The following CCDC27 variants were observed in gnomAD, a reference collection of about 807,000 sequenced individuals.
CCDC27 encodes the protein coiled-coil domain-containing protein 27.
CCDC27 carries 80 observed loss-of-function variants against 80.3 expected under a neutral mutation model. The ratio of observed to expected loss-of-function variants is 1.00; its 90% CI spans 0.83 to 1.20. The LOEUF (loss-of-function observed/expected upper bound fraction) is 1.20. Ranked by LOEUF, CCDC27 falls within the 50% of genes most tolerant of loss-of-function variation. The probability of loss-of-function intolerance (pLI) is 0.00; values close to 1 mark genes in which losing one functional copy is unlikely to be tolerated. For missense variants in CCDC27, 815 were observed against 809.4 expected (o/e 1.01, Z -0.08); for synonymous variants, 342 against 334.3 (o/e 1.02, Z -0.25).
In CCDC27 at chr1:3,763,492, G is replaced by A. The variant is rs56079032; in HGVS notation, c.1321+18G>A. ...TGCAACAGGTAGGGCCTCGGCGGGG[G>A]GCACTGGGCTTTGGCCACTCAGTGG... On this transcript the variant is annotated intron_variant, in intron 7 of 11. Transcript: ENST00000294600. This position sits in a 1 kb window ranked among gnomAD's most constrained non-coding sequence, Gnocchi z 7.5. 45,740 of 1,572,264 alleles carry A rather than the reference G, an allele frequency of 0.029. 808 individuals carry two copies. The highest frequency in any genetic ancestry group is 0.054 in the Middle Eastern group (232 of 4,330).
At position 3,766,384 on chromosome 1, in the gene CCDC27, C is replaced by T. The variant is rs1160451346; in HGVS notation, c.1453-151C>T. 5.1e-6 allele frequency: 3 copies of T among 582,858 alleles called. No homozygotes were observed. The highest frequency in any genetic ancestry group is 9.1e-6 in the Non-Finnish European group (3 of 330,028). The allele number at this position is 582,858 out of a possible 1,614,324, so 36.1% of individuals were successfully genotyped here. A position where few individuals can be genotyped will look rare whatever the true frequency, so the allele number is the denominator to read the frequency against. On this transcript the variant is annotated intron_variant, in intron 8 of 11. Transcript: ENST00000294600. This position sits in a 1 kb window ranked among gnomAD's most constrained non-coding sequence, Gnocchi z 6.1. The stretch of plus-strand genomic sequence containing the variant: ...CAAACTCTCCAAAATATTTTTAGTC[C>T]TTTTTCTTCTTCTCTTCTCCCTGCC...
At chr1:3,767,126 A>T in intron 9 of CCDC27, 107 bp from the exon 10 acceptor site, 2 of 992,530 alleles carry the variant, frequency 2.0e-6, no homozygotes, top group Non-Finnish European at 3.1e-6. Context: ...GGCGTGAGCC[A>T]CTGCACCTGG....
At chr1:3,756,669 A>G (rs1642962458) in intron 3 of CCDC27, 64 bp from the exon 4 acceptor site, 3 of 1,571,718 alleles carry the variant, frequency 1.9e-6, no homozygotes, top group South Asian at 1.1e-5. Context: ...TCGTCATCGA[A>G]GACGCCAGAG....
chr1:3,767,200 C>T, intron 9 of CCDC27, 33 bp from the exon 10 acceptor site: 3 of 1,603,990 alleles, frequency 1.9e-6, no homozygotes, highest in Non-Finnish European at 1.7e-6. Context: ...GGCGAAATGA[C>T]CCCACCTCTT....
rs770552313 is a variant in CCDC27 at position 3,763,345 on chromosome 1, A to T, written c.1192A>T (p.Arg398Ter). ...GCCGGAGGAAGAGGAGATCCCCAGG[A>T]GAAGGGCCTCCTCCCTGGCCGAGTC... is the stretch of plus-strand genomic sequence containing the variant. ...ELPEEEEIPR[R>*]RASSLAESFE... The change falls in exon 7 of 12, where the codon AGA (arginine) becomes TGA (stop). Residue 398 changes from arginine to a stop codon, truncating the protein, a stop_gained. Coordinates refer to ENST00000294600, the MANE Select transcript of CCDC27 (RefSeq NM_152492.3). LOFTEE classifies it high-confidence loss of function. This position sits in a 1 kb window ranked among gnomAD's most constrained non-coding sequence, Gnocchi z 7.5. The T allele has an allele frequency of 6.2e-7, 1 of 1,613,028 alleles. No individual in the cohort carries two copies.
rs560903163 is a variant in CCDC27, at chr1:3,754,136, G to A, written c.337G>A (p.Ala113Thr). The part of the protein sequence containing the change: ...YRKTSEPKDA[A>T]SLTGFMSKME... ...CTGCCAGAGTGAACCCAAGGATGCC[G>A]CCAGCCTCACCGGCTTCATGTCCAA... Residue 113 changes from alanine to threonine, a missense_variant, in exon 2 of 12, where the codon GCC becomes ACC. By Grantham distance (58) the Ala-to-Thr change is moderately conservative. Transcript: ENST00000294600. The A allele has an allele frequency of 2.4e-5, 39 of 1,613,482 alleles. No individual in the cohort carries two copies. Among genetic ancestry groups the A allele is most frequent in the South Asian group, 9.9e-5 (9 of 91,030 alleles).
intron 3 of CCDC27, 101 bp from the exon 4 acceptor site, chr1:3,756,632 C>T (rs1035198828): frequency 9.3e-6 from 12 of 1,296,866 alleles, no homozygotes; most frequent in Non-Finnish European, 1.1e-5. Context: ...ATAGGGGTTT[C>T]CGAGGGAAGT....
intron 8 of CCDC27, among the ~76,000 whole-genome samples, chr1:3,764,162 C>T (rs555298688): frequency 1.8e-4 from 27 of 152,326 alleles, no homozygotes; most frequent in African/African-American, 5.5e-4. Flanking sequence ...GGGGTAAGAA[C>T]GCCCTATCCG....
At chr1:3,757,142 C>T (rs954082509) in intron 4 of CCDC27, 27 of 366,760 alleles carry the variant, frequency 7.4e-5, no homozygotes, top group South Asian at 5.2e-4. Flanking sequence ...GACTTCCAAC[C>T]GTCCACACAT....
chr1:3,762,652 C>T lies in CCDC27; in HGVS notation c.894C>T (p.Gly298=), dbSNP rs746214337. ...TCTCAGACGCTTCGCTGAAGCTGGG[C>T]AGGCTGAGCCTCCTGAAGGCCTTCT... ...EQLSDASLKL[G]RLSLLKAFSR... The change falls in exon 6 of 12, where the codon GGC becomes GGT. Residue 298 remains glycine, a synonymous_variant. Transcript: ENST00000294600. 1 of 1,550,364 alleles carries T rather than the reference C, an allele frequency of 6.5e-7. No homozygotes were observed. The highest frequency in any genetic ancestry group is 1.2e-5 in the South Asian group (1 of 84,012).
chr1:3,756,614 C>A, intron 3 of CCDC27, 119 bp from the exon 4 acceptor site: 1 of 1,044,728 alleles, frequency 9.6e-7, no homozygotes, highest in Non-Finnish European at 1.4e-6. Context: ...TGGAGTCTGT[C>A]TGGGCAGATA....
At position 3,769,716 on chromosome 1, in the gene CCDC27, G is replaced by T. The variant is rs963423906; in HGVS notation, c.1744-67G>T. 4.7e-6 allele frequency: 5 copies of T among 1,053,582 alleles called. No individual in the cohort carries two copies. The highest frequency in any genetic ancestry group is 7.5e-6 in the Non-Finnish European group (5 of 668,788). The allele number at this position is 1,053,582 out of a possible 1,614,324, so 65.3% of individuals were successfully genotyped here. On this transcript the variant is annotated intron_variant, in intron 10 of 11. Coordinates refer to ENST00000294600, the MANE Select transcript of CCDC27 (RefSeq NM_152492.3). This position sits in a 1 kb window ranked among gnomAD's most constrained non-coding sequence, Gnocchi z 4.6. The stretch of plus-strand genomic sequence containing the variant: ...TACATAAAAAATAAGGTGGTGGGGG[G>T]TGCAGCCCACTGGCCAGGTGCCTTC...
intron 2 of CCDC27, among the ~76,000 whole-genome samples, chr1:3,754,702 G>C (rs1305349443): frequency 6.6e-6 from 1 of 152,254 alleles, no homozygotes; most frequent in East Asian, 1.9e-4. Context: ...AGCTCCATGG[G>C]CATCTGGGGG....
In CCDC27 at chr1:3,763,898, C is replaced by T. The variant is rs1643161222; in HGVS notation, c.1452+62C>T. 2.5e-6 allele frequency: 4 copies of T among 1,582,568 alleles called. No individual in the cohort carries two copies. Among genetic ancestry groups the T allele is most frequent in the South Asian group, 2.3e-5 (2 of 88,376 alleles). On this transcript the variant is annotated intron_variant, in intron 8 of 11. Coordinates refer to ENST00000294600, the MANE Select transcript of CCDC27 (RefSeq NM_152492.3). This position sits in a 1 kb window ranked among gnomAD's most constrained non-coding sequence, Gnocchi z 7.5. ...GCATGGGCCCCAGGCTTCATTAACC[C>T]CCGGCAGCTCGGGGCAGGCGCTGCC...
chr1:3,756,922 C>A (rs767954218), intron 4 of CCDC27, 32 bp downstream of exon 4: 2 of 1,595,936 alleles, frequency 1.3e-6, no homozygotes, highest in African/African-American at 1.3e-5. Context: ...ATCCCGGCCC[C>A]CCACCCCTCT....
chr1:3,764,731 G>C (rs1643187447), intron 8 of CCDC27, among the ~76,000 whole-genome samples: 1 of 152,124 alleles, frequency 6.6e-6, no homozygotes, highest in Non-Finnish European at 1.5e-5. Flanking sequence ...TCCTCCAGTA[G>C]TTTTATCAAA....
chr1:3,768,911 A>G lies in CCDC27; in HGVS notation c.1744-872A>G, dbSNP rs1643294155. ...GTTGGGCGCTCAATAAATACTGGAA[A>G]GAAGGAAAGGATTCCACTCCTCACA... On this transcript the variant is annotated intron_variant, in intron 10 of 11. Coordinates refer to ENST00000294600, the MANE Select transcript of CCDC27 (RefSeq NM_152492.3). The surrounding 1 kb of genome is among the most constrained non-coding windows in gnomAD (Gnocchi z 5.6). 6.6e-6 allele frequency among the ~76,000 whole-genome samples: 1 copy of G among 152,148 alleles called. No individual in the cohort carries two copies. The highest frequency in any genetic ancestry group is 2.4e-5 in the African/African-American group (1 of 41,426).
intron 11 of CCDC27, 112 bp from the exon 12 acceptor site, chr1:3,771,286 TGGA>T (rs1006501031): frequency 3.8e-5 from 49 of 1,303,118 alleles, no homozygotes; most frequent in Non-Finnish European, 4.3e-5. Flanking sequence ...CAAGCCTCTC[TGGA>T]GGAGGAGGAG....
rs1179882688 is a variant in CCDC27, at chr1:3,768,116, A to T, written c.1743+671A>T. ...TTTTTTTTTTTTTTTTTTTTCTGAG[A>T]CAGGGTCTTTCTCTGTCATCCAGTC... On this transcript the variant is annotated intron_variant, in intron 10 of 11. Coordinates refer to ENST00000294600, the MANE Select transcript of CCDC27 (RefSeq NM_152492.3). This position sits in a 1 kb window ranked among gnomAD's most constrained non-coding sequence, Gnocchi z 5.6. 1.3e-4 allele frequency among the ~76,000 whole-genome samples: 17 copies of T among 132,132 alleles called. No homozygotes were observed. Among genetic ancestry groups the T allele is most frequent in the Non-Finnish European group, 1.9e-4 (12 of 63,946 alleles). 86.7% of individuals were successfully genotyped at this position (132,132 alleles called of 152,430 possible). A position where few individuals can be genotyped will look rare whatever the true frequency, so the allele number is the denominator to read the frequency against.
Sources: gnomAD v4.1 joint callset for allele counts (sites outside exome capture counted in the v4.1 genomes callset) on GRCh38, gnomAD v4.1.1 for gene constraint, Gnocchi (gnomAD v3.1) non-coding constraint, MANE v1.5 for transcripts, NCBI Gene and HGNC (gene_info 2026-07-23, HGNC 2026-07-21) for gene names.